Variants in SH3PXD2A observed in about 807,000 individuals in gnomAD.
SH3PXD2A encodes SH3 and PX domains 2A, also known as SH3 and PX domain-containing protein 2A.
SH3PXD2A carries 32 observed loss-of-function variants against 115.2 expected under a neutral mutation model. That is an observed-to-expected ratio of 0.28 (90% CI 0.21 to 0.37). The LOEUF is 0.37. Among genes scored for constraint, SH3PXD2A ranks in the 10% least tolerant of loss-of-function variants. SH3PXD2A has a pLI of 1.00. For synonymous variants in SH3PXD2A, 610 were observed against 629.1 expected, an observed-to-expected ratio of 0.97 and a Z score of 0.45; for missense variants, 1,328 against 1,498.7, an observed-to-expected ratio of 0.89 and a Z score of 1.88.
At chr10:103,759,744 T>C (rs1202966652) in intron 3 of SH3PXD2A, among the ~76,000 whole-genome samples, 1 of 152,228 alleles carries the variant, frequency 6.6e-6, no homozygotes, top group Non-Finnish European at 1.5e-5. Flanking sequence ...AATCCCAGGA[T>C]GGGCAACAGG....
chr10:103,624,460 C>G (rs2036659765), intron 9 of SH3PXD2A, among the ~76,000 whole-genome samples: 1 of 152,124 alleles, frequency 6.6e-6, no homozygotes. Context: ...ACTGAAGCAC[C>G]CTGCGAATGT....
chr10:103,647,829 C>G (rs1321006127), intron 8 of SH3PXD2A, among the ~76,000 whole-genome samples: 1 of 152,186 alleles, frequency 6.6e-6, no homozygotes, highest in Non-Finnish European at 1.5e-5. Flanking sequence ...AATGCCAGTG[C>G]TCCGGAGCAG....
chr10:103,684,057 C>A (rs1372414719), intron 6 of SH3PXD2A, among the ~76,000 whole-genome samples: 2 of 152,230 alleles, frequency 1.3e-5, no homozygotes, highest in Admixed American at 6.5e-5. Flanking sequence ...GCTGGTTGGG[C>A]AGGGCAGGCC....
chr10:103,750,880 T>G (rs551035384), intron 3 of SH3PXD2A, among the ~76,000 whole-genome samples: 1 of 152,376 alleles, frequency 6.6e-6, no homozygotes, highest in Non-Finnish European at 1.5e-5. Flanking sequence ...TGCTTTGCTT[T>G]GCCTGTGAAC....
At chr10:103,704,576 C>G (rs1203809942) in intron 5 of SH3PXD2A, among the ~76,000 whole-genome samples, 1 of 152,216 alleles carries the variant, frequency 6.6e-6, no homozygotes, top group African/African-American at 2.4e-5. Context: ...GGATCCCCCT[C>G]GATGCTGGAC....
chr10:103,641,972 T>C (rs2036962231), intron 8 of SH3PXD2A, among the ~76,000 whole-genome samples: 1 of 152,138 alleles, frequency 6.6e-6, no homozygotes, highest in Non-Finnish European at 1.5e-5. Context: ...ATATAACATA[T>C]ACAGATGTGC....
chr10:103,714,450 G>A (rs1259014788), intron 5 of SH3PXD2A, among the ~76,000 whole-genome samples: 1 of 152,216 alleles, frequency 6.6e-6, no homozygotes, highest in Non-Finnish European at 1.5e-5. Flanking sequence ...GGCCTCCCAG[G>A]CGTGTGCGCT....
intron 5 of SH3PXD2A, among the ~76,000 whole-genome samples, chr10:103,705,518 T>C (rs2037970565): frequency 6.6e-6 from 1 of 152,234 alleles, no homozygotes; most frequent in Admixed American, 6.5e-5. Context: ...TACATGCCTG[T>C]GTGGCAGAGT....
intron 11 of SH3PXD2A, among the ~76,000 whole-genome samples, chr10:103,613,432 G>A (rs977249719): frequency 6.6e-6 from 1 of 152,214 alleles, no homozygotes; most frequent in African/African-American, 2.4e-5. Context: ...CTCTTGGGGT[G>A]GGCTCTCATG....
chr10:103,802,453 C>T (rs1256721180), intron 1 of SH3PXD2A, among the ~76,000 whole-genome samples: 1 of 152,238 alleles, frequency 6.6e-6, no homozygotes, highest in African/African-American at 2.4e-5. Flanking sequence ...AAGTCTCCAT[C>T]AGGCTCTGCC....
intron 1 of SH3PXD2A, among the ~76,000 whole-genome samples, chr10:103,852,547 T>C (rs929964489): frequency 6.6e-6 from 1 of 152,202 alleles, no homozygotes; most frequent in Non-Finnish European, 1.5e-5. Flanking sequence ...GGCTTGCTCC[T>C]CCAGTGTAGA....
intron 1 of SH3PXD2A, among the ~76,000 whole-genome samples, chr10:103,854,947 A>G (rs1262284698): frequency 4.6e-5 from 7 of 152,194 alleles, no homozygotes; most frequent in Non-Finnish European, 5.9e-5. Context: ...TCACCGTTGT[A>G]ACAGACAAGG....
At chr10:103,760,655 T>A (rs961685689) in intron 3 of SH3PXD2A, among the ~76,000 whole-genome samples, 1 of 151,368 alleles carries the variant, frequency 6.6e-6, no homozygotes, top group Non-Finnish European at 1.5e-5. Context: ...AAAATAAATA[T>A]GTATATGTAA....
At chr10:103,759,669 T>A (rs2038679225) in intron 3 of SH3PXD2A, among the ~76,000 whole-genome samples, 1 of 152,230 alleles carries the variant, frequency 6.6e-6, no homozygotes, top group Non-Finnish European at 1.5e-5. Flanking sequence ...CATGTCGTAA[T>A]GACCATTTCC....
At chr10:103,676,157 G>A (rs2037530763) in intron 6 of SH3PXD2A, among the ~76,000 whole-genome samples, 3 of 152,218 alleles carry the variant, frequency 2.0e-5, no homozygotes, top group Admixed American at 1.3e-4. Flanking sequence ...GGTCCTCATG[G>A]GGGATGTCAT....
chr10:103,762,014 C>CTTTTTTTTTTTTTTTT (rs79615908), intron 3 of SH3PXD2A, among the ~76,000 whole-genome samples: 1 of 90,684 alleles, frequency 1.1e-5, no homozygotes, highest in Non-Finnish European at 2.3e-5. Flanking sequence ...ATCAACACGT[C>CTTTTTTTTTTTTTTTT]TTTTTTTTTT....
At chr10:103,798,296 T>C (rs555840159) in intron 2 of SH3PXD2A, among the ~76,000 whole-genome samples, 1 of 152,258 alleles carries the variant, frequency 6.6e-6, no homozygotes, top group South Asian at 2.1e-4. Flanking sequence ...CGACCTAAAC[T>C]GGTTTAGCTC....
chr10:103,814,275 C>T (rs1322160253), intron 1 of SH3PXD2A, among the ~76,000 whole-genome samples: 1 of 152,142 alleles, frequency 6.6e-6, no homozygotes, highest in Non-Finnish European at 1.5e-5. Flanking sequence ...GTCTGCAGGC[C>T]TTCATCAGCG....
chr10:103,696,674 G>A (rs978960622), intron 5 of SH3PXD2A, among the ~76,000 whole-genome samples: 4 of 152,206 alleles, frequency 2.6e-5, no homozygotes, highest in Non-Finnish European at 2.9e-5. Context: ...AAGAAGAGGA[G>A]GGGAGGAAGG....
Sources: gnomAD v4.1 joint callset for allele counts (sites outside exome capture counted in the v4.1 genomes callset) on GRCh38, gnomAD v4.1.1 for gene constraint, MANE v1.5 for transcripts, NCBI Gene and HGNC (gene_info 2026-07-23, HGNC 2026-07-21) for gene names.